The following THTPA variants were observed in gnomAD, a reference collection of about 807,000 sequenced individuals.
THTPA encodes the protein thiamine-triphosphatase.
THTPA carries 16 observed loss-of-function variants against 16.5 expected under a neutral mutation model. The ratio of observed to expected loss-of-function variants is 0.97; its 90% CI spans 0.66 to 1.47. The LOEUF is 1.47. THTPA is among the 40% of genes most tolerant of loss of function. The pLI, the probability that THTPA is intolerant of heterozygous loss-of-function variation, is 0.00. For missense variants in THTPA, 281 were observed against 280.9 expected (o/e 1.00, Z 0.00); for synonymous variants, 110 against 115.5 (o/e 0.95, Z 0.30).
Position 23,556,532 on chromosome 14 carries a change from T to A in THTPA, c.-226T>A, listed in dbSNP as rs1401234118. ...TCAGCAGCAGTGGAAGGGATTTTACTGGAGACCTGTCACTGTCAGAGCCTT... is the reference window on the plus strand; with the variant it reads ...TCAGCAGCAGTGGAAGGGATTTTACAGGAGACCTGTCACTGTCAGAGCCTT... On this transcript the variant is annotated 5_prime_UTR_variant, in exon 1 of 2. Coordinates refer to ENST00000288014, the MANE Select transcript of THTPA (RefSeq NM_024328.6). 1.7e-6 allele frequency: 1 copy of A among 574,700 alleles called. No individual in the cohort carries two copies. The highest frequency in any genetic ancestry group is 3.1e-6 in the Non-Finnish European group (1 of 325,734). 35.6% of individuals were successfully genotyped at this position (574,700 alleles called of 1,614,324 possible).
chr14:23,523,123 A>G, the THTPA span: 1 of 1,400,176 alleles, frequency 7.1e-7, no homozygotes, highest in Non-Finnish European at 9.2e-7. The surrounding 1 kb of genome is among the most constrained non-coding windows in gnomAD (Gnocchi z 4.1). Context: ...GCATGGGAAG[A>G]ATCAGGAAGG....
the THTPA span, among the ~76,000 whole-genome samples, chr14:23,541,805 C>A: frequency 7.2e-6 from 1 of 138,188 alleles, no homozygotes; most frequent in African/African-American, 3.0e-5. Flanking sequence ...GTCATCCCTG[C>A]ATTTAAAACT....
At chr14:23,545,414 T>C in the THTPA span, among the ~76,000 whole-genome samples, 1 of 152,204 alleles carries the variant, frequency 6.6e-6, no homozygotes, top group African/African-American at 2.4e-5. Context: ...TTCTTAGTCC[T>C]CACAGCCTAC....
At chr14:23,547,389 C>T in the THTPA span, among the ~76,000 whole-genome samples, 9 of 152,232 alleles carry the variant, frequency 5.9e-5, no homozygotes, top group Non-Finnish European at 1.0e-4. Context: ...ATTGTAGTTT[C>T]ATGATTGGGA....
the THTPA span, chr14:23,525,686 C>A: frequency 3.3e-6 from 5 of 1,530,124 alleles, no homozygotes; most frequent in Admixed American, 2.0e-5. The surrounding 1 kb of genome is among the most constrained non-coding windows in gnomAD (Gnocchi z 5.9). Flanking sequence ...TGCCTCATTA[C>A]CCTCTTTGGC....
chr14:23,527,546 C>T, the THTPA span: 19 of 1,527,310 alleles, frequency 1.2e-5, no homozygotes, highest in African/African-American at 1.8e-4. Flanking sequence ...CTCTTCCTCC[C>T]CTCCTGCACA....
rs142410447 is a variant in THTPA at position 23,557,033 on chromosome 14, C to T, written c.276C>T (p.Leu92=). Residue 92 remains leucine (L), a synonymous_variant, in exon 1 of 2, where the codon CTC becomes CTT. Coordinates refer to ENST00000288014, the MANE Select transcript of THTPA (RefSeq NM_024328.6). ...LTAEPTIVAQ[L]CKVLRADGLG... is the part of the protein sequence containing the mutation. The stretch of plus-strand genomic sequence containing the variant: ...CGGAACCTACAATTGTGGCCCAACT[C>T]TGTAAGGTGCTGCGGGCTGACGGCC... 26 of 1,614,210 alleles carry T rather than the reference C, an allele frequency of 1.6e-5. No homozygotes were observed. The highest frequency in any genetic ancestry group is 2.2e-5 in the Non-Finnish European group (26 of 1,180,034).
chr14:23,548,990 C>T, the THTPA span, among the ~76,000 whole-genome samples: 1 of 152,156 alleles, frequency 6.6e-6, no homozygotes, highest in East Asian at 1.9e-4. Flanking sequence ...CCTCAGCACT[C>T]CTTCGTTTGC....
chr14:23,552,367 C>T (rs575338434), upstream of THTPA, among the ~76,000 whole-genome samples: 1 of 150,654 alleles, frequency 6.6e-6, no homozygotes, highest in African/African-American at 2.4e-5. Context: ...GATCTCGGCT[C>T]ACTGCAACCT....
At chr14:23,528,955 C>T in the THTPA span, 3,656 of 497,542 alleles carry the variant, frequency 7.3e-3, 16 homozygotes, top group Non-Finnish European at 8.6e-3. Context: ...CACCTAGCCC[C>T]TGGAGCAGAC....
At chr14:23,525,139 C>T in the THTPA span, 210 of 1,536,078 alleles carry the variant, frequency 1.4e-4, no homozygotes, top group Non-Finnish European at 1.6e-4. The surrounding 1 kb of genome is among the most constrained non-coding windows in gnomAD (Gnocchi z 5.9). Context: ...ACTCTGTGAA[C>T]TTGGTTCTGG....
At chr14:23,534,355 C>G in the THTPA span, 7 of 1,536,692 alleles carry the variant, frequency 4.6e-6, no homozygotes, top group South Asian at 1.2e-5. This position sits in a 1 kb window ranked among gnomAD's most constrained non-coding sequence, Gnocchi z 4.5. Flanking sequence ...CTCAGGGGGG[C>G]CATCCTCTGT....
At chr14:23,525,165 C>T in the THTPA span, 2 of 1,536,152 alleles carry the variant, frequency 1.3e-6, no homozygotes, top group Non-Finnish European at 1.7e-6. This position sits in a 1 kb window ranked among gnomAD's most constrained non-coding sequence, Gnocchi z 5.9. Context: ...CGGCGGCCGG[C>T]AGGCACCAGG....
At chr14:23,549,094 T>C in the THTPA span, among the ~76,000 whole-genome samples, 1 of 152,206 alleles carries the variant, frequency 6.6e-6, no homozygotes, top group Non-Finnish European at 1.5e-5. Flanking sequence ...ATTAATTTCA[T>C]AGTGCTTTTT....
upstream of THTPA, among the ~76,000 whole-genome samples, chr14:23,553,463 G>A (rs1882121489): frequency 6.6e-6 from 1 of 152,116 alleles, no homozygotes; most frequent in Non-Finnish European, 1.5e-5. Context: ...GCTGGGCGTG[G>A]TGGTGGGCAC....
chr14:23,524,254 G>A, the THTPA span: 1 of 1,536,322 alleles, frequency 6.5e-7, no homozygotes, highest in Non-Finnish European at 8.7e-7. The surrounding 1 kb of genome is among the most constrained non-coding windows in gnomAD (Gnocchi z 5.6). Context: ...CTCGCTTTTT[G>A]AGCCCCACCT....
At chr14:23,523,509 G>A in the THTPA span, 26 of 1,536,274 alleles carry the variant, frequency 1.7e-5, no homozygotes, top group African/African-American at 6.8e-5. The surrounding 1 kb of genome is among the most constrained non-coding windows in gnomAD (Gnocchi z 4.1). Context: ...CAGTCAGTGC[G>A]CTGGGCTGCT....
At chr14:23,525,084 G>A in the THTPA span, 11 of 1,536,074 alleles carry the variant, frequency 7.2e-6, no homozygotes, top group Non-Finnish European at 9.6e-6. This position sits in a 1 kb window ranked among gnomAD's most constrained non-coding sequence, Gnocchi z 5.9. Flanking sequence ...CCGTCTTTGG[G>A]GTAGGCGCTA....
the THTPA span, among the ~76,000 whole-genome samples, chr14:23,540,515 A>T: frequency 1.8e-4 from 27 of 152,218 alleles, no homozygotes; most frequent in African/African-American, 6.5e-4. Context: ...AGGAAGGATG[A>T]GATGTGTGTA....
Sources: allele counts gnomAD v4.1 joint callset (sites outside exome capture counted in the v4.1 genomes callset), GRCh38; gene constraint gnomAD v4.1.1; non-coding constraint Gnocchi (gnomAD v3.1); transcripts MANE v1.5; gene names NCBI Gene and HGNC (gene_info 2026-07-23, HGNC 2026-07-21).